The following DTNB variants were observed in gnomAD, a reference collection of about 807,000 sequenced individuals.
The protein encoded by DTNB is dystrobrevin beta, also known as DTN-B.
DTNB carries 63 observed loss-of-function variants against 90.7 expected under a neutral mutation model. The ratio of observed to expected loss-of-function variants is 0.69; its 90% CI spans 0.57 to 0.86. The LOEUF is 0.86. Among genes scored for constraint, DTNB ranks in the 40% least tolerant of loss-of-function variants. DTNB has a pLI of 0.00. For synonymous variants in DTNB, 277 were observed against 286.7 expected (o/e 0.97, Z 0.34); for missense variants, 744 against 807.1 (o/e 0.92, Z 0.95).
intron 12 of DTNB, among the ~76,000 whole-genome samples, chr2:25,436,094 C>T (rs746557306): frequency 2.6e-5 from 4 of 152,150 alleles, no homozygotes; most frequent in Non-Finnish European, 4.4e-5. Flanking sequence ...TCCAGCACTT[C>T]GGGAAGCCGA....
At chr2:25,499,894 C>G (rs939783981) in intron 9 of DTNB, among the ~76,000 whole-genome samples, 2 of 151,796 alleles carry the variant, frequency 1.3e-5, no homozygotes, top group Non-Finnish European at 2.9e-5. Flanking sequence ...ACTTACCATT[C>G]TTTTTTTTGG....
Position 25,453,170 on chromosome 2 carries a change from C to T in DTNB, c.1170-1535G>A, listed in dbSNP as rs370186608. Among the ~76,000 whole-genome samples the T allele has an allele frequency of 2.0e-5, 3 of 152,174 alleles. No homozygotes were observed. In the East Asian group the frequency reaches 5.8e-4, roughly 29 times the overall value. On this transcript the variant is annotated intron_variant, in intron 11 of 20. Transcript: ENST00000406818. ...TATCTGGCAAGGGATACAATAGGTTCTTCTGTGCAAAAGAGCTCCTTTTTC... is the reference window on the plus strand; with the variant it reads ...TATCTGGCAAGGGATACAATAGGTTTTTCTGTGCAAAAGAGCTCCTTTTTC...
At chr2:25,475,660 G>A (rs536658542) in intron 10 of DTNB, among the ~76,000 whole-genome samples, 76 of 152,336 alleles carry the variant, frequency 5.0e-4, no homozygotes, top group Non-Finnish European at 8.7e-4. Flanking sequence ...CATAGCTAGA[G>A]AGAAGAAGTC....
chr2:25,416,122 T>C (rs2149768955), intron 16 of DTNB, among the ~76,000 whole-genome samples: 1 of 152,308 alleles, frequency 6.6e-6, no homozygotes, highest in African/African-American at 2.4e-5. Flanking sequence ...AGTGTCAGAA[T>C]TGAATTAAAT....
At chr2:25,663,672 T>C (rs2083739747) in intron 1 of DTNB, among the ~76,000 whole-genome samples, 1 of 152,190 alleles carries the variant, frequency 6.6e-6, no homozygotes, top group African/African-American at 2.4e-5. Flanking sequence ...AAACAGAGTA[T>C]ACCAAATACC....
chr2:25,429,520 C>T (rs988153889), intron 14 of DTNB, among the ~76,000 whole-genome samples: 5 of 152,288 alleles, frequency 3.3e-5, no homozygotes, highest in South Asian at 2.1e-4. Flanking sequence ...ACATCACTGT[C>T]GGGAAGCTGC....
chr2:25,461,765 C>T (rs565712481), intron 10 of DTNB, among the ~76,000 whole-genome samples: 1 of 152,286 alleles, frequency 6.6e-6, no homozygotes, highest in Non-Finnish European at 1.5e-5. Context: ...AAGAAATGAC[C>T]ACACCAATAA....
intron 16 of DTNB, among the ~76,000 whole-genome samples, chr2:25,392,792 T>TA (rs2041493930): frequency 1.3e-5 from 2 of 152,148 alleles, no homozygotes; most frequent in South Asian, 4.1e-4. Flanking sequence ...CCAGATGGAT[T>TA]CACAGCTGAA....
In DTNB at chr2:25,591,197, G is replaced by C. The variant is rs187061434; in HGVS notation, c.603+4889C>G. Among the ~76,000 whole-genome samples, 732 of 152,304 alleles carry C rather than the reference G, an allele frequency of 4.8e-3. 4 individuals are homozygous for C. Among genetic ancestry groups the C allele is most frequent in the African/African-American group, 0.017 (697 of 41,564 alleles). On this transcript the variant is annotated intron_variant, in intron 6 of 20. Transcript: ENST00000406818. ...AGCAGACACCTCCAAGCCTGCAGGG[G>C]CAAGGGCAGCCTTCCCAGGCCCCTG...
chr2:25,540,483 T>C (rs1249336408), intron 8 of DTNB, among the ~76,000 whole-genome samples: 1 of 152,268 alleles, frequency 6.6e-6, no homozygotes, highest in East Asian at 1.9e-4. Context: ...TTTATTATTA[T>C]TATTATTATT....
intron 12 of DTNB, among the ~76,000 whole-genome samples, chr2:25,440,969 CCT>C (rs918876744): frequency 3.9e-5 from 6 of 152,286 alleles, no homozygotes; most frequent in Middle Eastern, 3.4e-3. Flanking sequence ...CTACCTTTCC[CCT>C]CTCTTTGCTT....
chr2:25,615,895 C>G (rs747586728), intron 4 of DTNB, among the ~76,000 whole-genome samples: 2 of 152,138 alleles, frequency 1.3e-5, no homozygotes, highest in Non-Finnish European at 2.9e-5. Context: ...TGCCTAAACC[C>G]CATCCTGTTC....
rs374359225 is a variant in DTNB at position 25,535,395 on chromosome 2, G to A, written c.877-3798C>T. Among the ~76,000 whole-genome samples the A allele has an allele frequency of 9.7e-5, 14 of 144,854 alleles. 1 individual carries two copies. Among genetic ancestry groups the A allele is most frequent in the African/African-American group, 3.5e-4 (13 of 37,418 alleles). ...CTCCCAGACGGGGAGGCCGCGCAGAGGTGCTCCTCACCTCCCAGAGGGGGC... is the reference window on the plus strand; with the variant it reads ...CTCCCAGACGGGGAGGCCGCGCAGAAGTGCTCCTCACCTCCCAGAGGGGGC... On this transcript the variant is annotated intron_variant, in intron 8 of 20. Transcript: ENST00000406818.
intron 6 of DTNB, among the ~76,000 whole-genome samples, chr2:25,588,186 TAA>T (rs556875844): frequency 2.1e-5 from 3 of 144,352 alleles, no homozygotes; most frequent in African/African-American, 2.5e-5. Context: ...AAAGCCTCCT[TAA>T]AAAAAAAAAG....
intron 2 of DTNB, 106 bp downstream of exon 2, chr2:25,652,488 C>G: frequency 2.5e-6 from 3 of 1,192,818 alleles, no homozygotes; most frequent in Non-Finnish European, 3.4e-6. Flanking sequence ...CTCTGCAAAG[C>G]TTATAACATA....
intron 8 of DTNB, among the ~76,000 whole-genome samples, chr2:25,560,954 G>A (rs984883314): frequency 6.6e-6 from 1 of 152,096 alleles, no homozygotes; most frequent in Non-Finnish European, 1.5e-5. Flanking sequence ...TTCAGCAACT[G>A]TTCTCCCACC....
chr2:25,516,102 G>T (rs532685585), intron 9 of DTNB, among the ~76,000 whole-genome samples: 4 of 152,216 alleles, frequency 2.6e-5, no homozygotes, highest in East Asian at 3.9e-4. Context: ...AGGGAAATAC[G>T]AATTAAAACT....
At chr2:25,573,094 C>T (rs1214961030) in intron 8 of DTNB, among the ~76,000 whole-genome samples, 3 of 152,078 alleles carry the variant, frequency 2.0e-5, no homozygotes, top group East Asian at 1.9e-4. Context: ...TACAGGCACC[C>T]GCCACCACAC....
intron 2 of DTNB, among the ~76,000 whole-genome samples, chr2:25,651,184 G>T (rs2080865150): frequency 1.3e-5 from 2 of 152,188 alleles, no homozygotes; most frequent in Non-Finnish European, 2.9e-5. Context: ...GTGAGTGCCA[G>T]GCACTGTGCC....
Sources: allele counts gnomAD v4.1 joint callset (sites outside exome capture counted in the v4.1 genomes callset), GRCh38; gene constraint gnomAD v4.1.1; transcripts MANE v1.5; gene names NCBI Gene and HGNC (gene_info 2026-07-23, HGNC 2026-07-21).